Variants in ZNF254 observed in about 807,000 individuals in gnomAD.
The protein encoded by ZNF254 is CTD-2017D11.1.
ZNF254 carries 10 observed loss-of-function variants against 12.4 expected under a neutral mutation model. That is an observed-to-expected ratio of 0.80 (90% confidence interval 0.50 to 1.36). ZNF254 has a LOEUF of 1.36. Among genes scored for constraint, ZNF254 ranks in the 40% most tolerant of loss-of-function variants. The pLI is 0.00. For missense variants in ZNF254, 996 were observed against 763.9 expected, an observed-to-expected ratio of 1.30 and a Z score of -3.58; for synonymous variants, 305 against 253.4, an observed-to-expected ratio of 1.20 and a Z score of -1.93.
intron 3 of ZNF254, among the ~76,000 whole-genome samples, chr19:24,111,166 T>C (rs946877704): frequency 2.0e-5 from 3 of 147,328 alleles, no homozygotes; most frequent in African/African-American, 7.5e-5. Flanking sequence ...TGTGTTCTCA[T>C]TGTTCAATTC....
chr19:24,087,740 A>C (rs2145635883), intron 1 of ZNF254, among the ~76,000 whole-genome samples: 2 of 152,214 alleles, frequency 1.3e-5, no homozygotes, highest in Admixed American at 1.3e-4. Context: ...TCACTGCAAA[A>C]ATATTAAATA....
intron 3 of ZNF254, among the ~76,000 whole-genome samples, chr19:24,123,671 A>G (rs1474000893): frequency 1.3e-5 from 2 of 152,146 alleles, no homozygotes; most frequent in African/African-American, 2.4e-5. Context: ...ATAGGTTCCC[A>G]GTGAATGAAT....
intron 2 of ZNF254, among the ~76,000 whole-genome samples, chr19:24,077,296 C>A (rs1297656093): frequency 6.6e-6 from 1 of 152,202 alleles, no homozygotes; most frequent in African/African-American, 2.4e-5. Flanking sequence ...TGTACCCCAA[C>A]CACCTTGGGC....
chr19:24,061,624 T>A (rs766769776), intron 2 of ZNF254, among the ~76,000 whole-genome samples: 4 of 152,140 alleles, frequency 2.6e-5, no homozygotes, highest in Non-Finnish European at 5.9e-5. Flanking sequence ...AAATTACATA[T>A]CATTTGCCCA....
intron 2 of ZNF254, among the ~76,000 whole-genome samples, chr19:24,048,463 AG>A: frequency 6.6e-6 from 1 of 152,186 alleles, no homozygotes; most frequent in Non-Finnish European, 1.5e-5. Context: ...AAAATGTTTA[AG>A]GGGGACCAGA....
At chr19:24,068,361 T>C (rs1325979902) in intron 2 of ZNF254, among the ~76,000 whole-genome samples, 1 of 152,104 alleles carries the variant, frequency 6.6e-6, no homozygotes, top group Non-Finnish European at 1.5e-5. Context: ...AGTGCAGCGA[T>C]GTGATCTTGG....
At chr19:24,115,433 C>A (rs993574686) in intron 3 of ZNF254, among the ~76,000 whole-genome samples, 31 of 147,208 alleles carry the variant, frequency 2.1e-4, no homozygotes, top group African/African-American at 7.1e-4. Flanking sequence ...GAACAAAAAA[C>A]CAAACACCGC....
chr19:24,044,495 G>A (rs970961094), intron 1 of ZNF254, among the ~76,000 whole-genome samples: 22 of 150,734 alleles, frequency 1.5e-4, no homozygotes, highest in Non-Finnish European at 2.9e-4. Context: ...CCGAGATCGC[G>A]CCACTGCACC....
At chr19:24,118,003 A>G (rs1157452434) in intron 3 of ZNF254, among the ~76,000 whole-genome samples, 1 of 151,550 alleles carries the variant, frequency 6.6e-6, no homozygotes, top group South Asian at 2.1e-4. Flanking sequence ...ATAAAATAGT[A>G]TGTGCATCCT....
chr19:24,107,422 A>AT (rs1291888528), intron 3 of ZNF254: 1 of 393,722 alleles, frequency 2.5e-6, no homozygotes, highest in Non-Finnish European at 4.5e-6. Flanking sequence ...CCTTGTTTAA[A>AT]TTTGTTCTAA....
Position 24,105,970 on chromosome 19 carries a change from G to A in ZNF254, c.61G>A (p.Glu21Lys), listed in dbSNP as rs1377879671. The A allele has an allele frequency of 6.9e-6, 11 of 1,598,584 alleles. No individual in the cohort carries two copies. The highest frequency in any genetic ancestry group is 9.4e-6 in the Non-Finnish European group (11 of 1,170,618). Reference sequence around the variant, plus strand: ...GTTGACATTTAGGGATGTGGCCATAGAATTCTCTCTGGAGGAGTGGCAACA... The same window carrying A: ...GTTGACATTTAGGGATGTGGCCATAAAATTCTCTCTGGAGGAGTGGCAACA... Reference protein sequence around the residue: ...GLLTFRDVAIEFSLEEWQHLD... With the variant: ...GLLTFRDVAIKFSLEEWQHLD... Residue 21 changes from glutamate to lysine, a missense_variant, in exon 2 of 4, where the codon GAA becomes AAA. Coordinates refer to ENST00000357002, the MANE Select transcript of ZNF254 (RefSeq NM_203282.4).
chr19:24,108,090 C>T (rs1349428162), intron 3 of ZNF254, among the ~76,000 whole-genome samples: 1 of 152,130 alleles, frequency 6.6e-6, no homozygotes, highest in Non-Finnish European at 1.5e-5. Context: ...TCACTGAGTA[C>T]AGGAGAGGAT....
chr19:24,050,456 G>C (rs547102097), intron 2 of ZNF254, among the ~76,000 whole-genome samples: 144 of 152,274 alleles, frequency 9.5e-4, no homozygotes, highest in African/African-American at 3.3e-3. Context: ...CATTGCTCTT[G>C]GCACCCTTTG....
intron 1 of ZNF254, among the ~76,000 whole-genome samples, chr19:24,035,274 C>G (rs1969923338): frequency 6.6e-6 from 1 of 152,160 alleles, no homozygotes; most frequent in Admixed American, 6.5e-5. Flanking sequence ...AACAATTCTC[C>G]CACCTCAGCC....
At chr19:24,074,045 G>A (rs1971572092) in intron 2 of ZNF254, among the ~76,000 whole-genome samples, 1 of 152,158 alleles carries the variant, frequency 6.6e-6, no homozygotes, top group African/African-American at 2.4e-5. Context: ...GGGAGGCATT[G>A]AGACATATGG....
At chr19:24,119,460 G>A (rs1234735331) in intron 3 of ZNF254, among the ~76,000 whole-genome samples, 3 of 152,140 alleles carry the variant, frequency 2.0e-5, no homozygotes, top group East Asian at 1.9e-4. Context: ...CCAGAGTGCT[G>A]GGATTACATG....
At chr19:24,080,822 C>G (rs927487451) in intron 2 of ZNF254, among the ~76,000 whole-genome samples, 2 of 147,674 alleles carry the variant, frequency 1.4e-5, no homozygotes, top group Non-Finnish European at 3.0e-5. Flanking sequence ...TGCGAGTTGC[C>G]TCATGCCTGT....
At position 24,126,237 on chromosome 19, in the gene ZNF254, T is replaced by C; in HGVS notation, c.254-17T>C. ...CTAGTAAGTGGAGTAATTTATTTAT[T>C]TTTATTTTTTTTTCAGGTATGTGTC... On this transcript the variant is annotated splice_polypyrimidine_tract_variant and intron_variant, in intron 3 of 3. Coordinates refer to ENST00000357002, the MANE Select transcript of ZNF254 (RefSeq NM_203282.4). 7.1e-7 allele frequency: 1 copy of C among 1,401,554 alleles called. No homozygotes were observed. The allele number at this position is 1,401,554 out of a possible 1,614,324, so 86.8% of individuals were successfully genotyped here.
chr19:24,061,740 A>G (rs1012830484), intron 2 of ZNF254, among the ~76,000 whole-genome samples: 1 of 152,178 alleles, frequency 6.6e-6, no homozygotes, highest in Non-Finnish European at 1.5e-5. Context: ...AATACCTCCT[A>G]CCAGCCAATA....
Sources: gnomAD v4.1 joint callset for allele counts (sites outside exome capture counted in the v4.1 genomes callset) on GRCh38, gnomAD v4.1.1 for gene constraint, MANE v1.5 for transcripts, NCBI Gene and HGNC (gene_info 2026-07-23, HGNC 2026-07-21) for gene names.